Variants in IQCH observed in about 807,000 individuals in gnomAD.
IQCH encodes IQ motif containing H.
In IQCH, 98 loss-of-function variants were observed where a neutral mutation model predicts 117.0. The ratio of observed to expected loss-of-function variants is 0.84; its 90% confidence interval spans 0.71 to 0.99. The LOEUF (loss-of-function observed/expected upper bound fraction) is 0.99, where lower values mean the gene tolerates loss of function less well. IQCH is among the 50% of genes least tolerant of loss of function. The pLI is 0.00. For synonymous variants in IQCH, 412 were observed against 448.2 expected (o/e 0.92, Z 1.02); for missense variants, 1,102 against 1,243.8 (o/e 0.89, Z 1.72).
rs897344867 is a variant in IQCH, at chr15:67,388,438, A to C, written c.1457-393A>C. ...AATTGCAATTTCATCAGCTTTGTAA[A>C]GTTAGTAGCTCTGTTTTATAATTTA... On this transcript the variant is annotated intron_variant, in intron 11 of 20. Transcript: ENST00000335894. The surrounding 1 kb of genome is among the most constrained non-coding windows in gnomAD (Gnocchi z 5.5). Among the ~76,000 whole-genome samples, 1 of 127,424 alleles carries C rather than the reference A, an allele frequency of 7.8e-6. No individual in the cohort carries two copies. Among genetic ancestry groups the C allele is most frequent in the East Asian group, 2.0e-4 (1 of 5,094 alleles). The allele number at this position is 127,424 out of a possible 152,430, so 83.6% of individuals were successfully genotyped here.
chr15:67,282,477 A>G (rs768897870), intron 4 of IQCH, among the ~76,000 whole-genome samples: 24 of 152,182 alleles, frequency 1.6e-4, no homozygotes, highest in Non-Finnish European at 2.6e-4. Context: ...CTTCACTTAA[A>G]AAGTGGCATG....
chr15:67,498,788 C>T (rs1386458452), intron 20 of IQCH, among the ~76,000 whole-genome samples: 1 of 151,946 alleles, frequency 6.6e-6, no homozygotes, highest in Non-Finnish European at 1.5e-5. Flanking sequence ...TAAATCAGAC[C>T]TCATCAAAAT....
At position 67,496,146 on chromosome 15, in the gene IQCH, A is replaced by T. The variant is rs1335477115; in HGVS notation, c.2970+1780A>T. On this transcript the variant is annotated intron_variant, in intron 20 of 20. Transcript: ENST00000335894. The surrounding 1 kb of genome is among the most constrained non-coding windows in gnomAD (Gnocchi z 4.4). The stretch of plus-strand genomic sequence containing the variant: ...AGCCTGGGCAACATGGTGAAACCCC[A>T]TCTCTACAAAAATTACAAAAATTAG... Among the ~76,000 whole-genome samples the T allele has an allele frequency of 6.6e-6, 1 of 152,092 alleles. No homozygotes were observed. Among genetic ancestry groups the T allele is most frequent in the Non-Finnish European group, 1.5e-5 (1 of 68,006 alleles).
At chr15:67,270,619 G>A (rs1965858981) in intron 3 of IQCH, among the ~76,000 whole-genome samples, 1 of 152,118 alleles carries the variant, frequency 6.6e-6, no homozygotes, top group South Asian at 2.1e-4. Flanking sequence ...AAAAGAGACA[G>A]GCACCTCTTC....
In IQCH at chr15:67,393,992, A is replaced by AG. The variant is rs1402950637; in HGVS notation, c.1633-1294dup. ...ATCTAACAGGTGAAGAAATAGGCTC[A>AG]GGGGGTCTAAGTTACTTGCCTACAT... On this transcript the variant is annotated intron_variant, in intron 12 of 20. Transcript: ENST00000335894. This position sits in a 1 kb window ranked among gnomAD's most constrained non-coding sequence, Gnocchi z 5.5. Among the ~76,000 whole-genome samples, 1 of 152,156 alleles carries AG rather than the reference A, an allele frequency of 6.6e-6. No individual in the cohort carries two copies. The highest frequency in any genetic ancestry group is 6.5e-5 in the Admixed American group (1 of 15,274).
intron 17 of IQCH, among the ~76,000 whole-genome samples, chr15:67,470,653 T>A (rs1460406725): frequency 1.3e-5 from 2 of 152,248 alleles, no homozygotes; most frequent in Non-Finnish European, 2.9e-5. Context: ...AAAATATGCA[T>A]GAAATATACA....
intron 16 of IQCH, among the ~76,000 whole-genome samples, chr15:67,438,002 G>C (rs965889868): frequency 6.6e-6 from 1 of 152,102 alleles, no homozygotes; most frequent in Non-Finnish European, 1.5e-5. Flanking sequence ...AAACTTCCCC[G>C]GCCTTGTGAG....
chr15:67,368,556 CTT>C (rs749140379), intron 8 of IQCH, among the ~76,000 whole-genome samples: 1 of 152,218 alleles, frequency 6.6e-6, no homozygotes, highest in African/African-American at 2.4e-5. Flanking sequence ...AGAACTTACT[CTT>C]TTTCACACAG....
At chr15:67,293,764 G>T (rs749688764) in intron 4 of IQCH, among the ~76,000 whole-genome samples, 72 of 152,124 alleles carry the variant, frequency 4.7e-4, no homozygotes, top group Non-Finnish European at 6.6e-4. Context: ...AAATTTGATG[G>T]CTCTGAAGGA....
At position 67,279,430 on chromosome 15, in the gene IQCH, T is replaced by C; in HGVS notation, c.305T>C (p.Ile102Thr). The C allele has an allele frequency of 6.2e-7, 1 of 1,607,432 alleles. No individual in the cohort carries two copies. Among genetic ancestry groups the C allele is most frequent in the Non-Finnish European group, 8.5e-7 (1 of 1,175,318 alleles). Reference protein sequence around the residue: ...LPTVIDQKSFIFPQESEGTFW... With the variant: ...LPTVIDQKSFTFPQESEGTFW... ...ACTGTAATTGATCAGAAATCATTTA[T>C]TTTCCCTCAGGAATCTGAGGGTACA... Residue 102 changes from isoleucine to threonine, a missense_variant, in exon 4 of 21, where the codon ATT becomes ACT. By Grantham distance (89) the Ile-to-Thr change is moderately conservative. Transcript: ENST00000335894.
At chr15:67,489,216 G>A (rs576875928) in intron 18 of IQCH, among the ~76,000 whole-genome samples, 2 of 151,732 alleles carry the variant, frequency 1.3e-5, no homozygotes, top group East Asian at 3.9e-4. Context: ...TGTATTTTTA[G>A]TAGAGATGGG....
intron 4 of IQCH, among the ~76,000 whole-genome samples, chr15:67,290,450 G>A (rs942642205): frequency 6.6e-6 from 1 of 152,028 alleles, no homozygotes; most frequent in Non-Finnish European, 1.5e-5. Context: ...ATTCAATTGT[G>A]GTGATGATGT....
At position 67,465,028 on chromosome 15, in the gene IQCH, C is replaced by A; in HGVS notation, c.2506-99C>A. ...CATTAAGACACATGGTCACTGGTTT[C>A]ACTTAGTCTGATGTAGTTTGGTCTG... On this transcript the variant is annotated intron_variant, in intron 16 of 20. Transcript: ENST00000335894. This position sits in a 1 kb window ranked among gnomAD's most constrained non-coding sequence, Gnocchi z 5.9. The A allele has an allele frequency of 9.2e-7, 1 of 1,082,694 alleles. No individual in the cohort carries two copies. Among genetic ancestry groups the A allele is most frequent in the Non-Finnish European group, 1.4e-6 (1 of 732,268 alleles). 67.1% of individuals were successfully genotyped at this position (1,082,694 alleles called of 1,614,324 possible).
intron 4 of IQCH, among the ~76,000 whole-genome samples, chr15:67,282,518 A>G (rs1261932271): frequency 6.6e-6 from 1 of 152,138 alleles, no homozygotes; most frequent in African/African-American, 2.4e-5. Context: ...TTGCCTCCAG[A>G]GCCTGGATTA....
At chr15:67,335,358 T>C (rs1968845413) in intron 4 of IQCH, among the ~76,000 whole-genome samples, 1 of 152,224 alleles carries the variant, frequency 6.6e-6, no homozygotes, top group South Asian at 2.1e-4. Context: ...ATCCTCTTTG[T>C]CCTGAAACTG....
At position 67,421,384 on chromosome 15, in the gene IQCH, C is replaced by T. The variant is rs1049014103; in HGVS notation, c.2312C>T (p.Ser771Leu). Residue 771 changes from serine to leucine, a missense_variant, in exon 16 of 21, where the codon TCG (serine) becomes TTG (leucine). By Grantham distance (145) the Ser-to-Leu change is moderately radical. Transcript: ENST00000335894. ...CCCAACGGGAAAATCAGCGTGCTGT[C>T]GACAGGGGACCAGCTTCATGCTGAA... ...IEPNGKISVLSTGDQLHAESP... is the reference protein window; with the variant it reads ...IEPNGKISVLLTGDQLHAESP... 9 of 1,614,050 alleles carry T rather than the reference C, an allele frequency of 5.6e-6. No homozygotes were observed. The highest frequency in any genetic ancestry group is 1.7e-5 in the Admixed American group (1 of 60,000).
rs1224700066 is a variant in IQCH at position 67,403,900 on chromosome 15, G to A, written c.2097+3595G>A. The A allele has an allele frequency of 1.3e-5, 2 of 152,200 alleles. No individual in the cohort carries two copies. The highest frequency in any genetic ancestry group is 4.8e-5 in the African/African-American group (2 of 41,442). The allele number at this position is 152,200 out of a possible 1,614,324, so 9.4% of individuals were successfully genotyped here. ...GAGATCTTTGTAGAACAATTTCTGT[G>A]TGTAAAGAACTAAGCCAGTTTACTT... On this transcript the variant is annotated intron_variant, in intron 14 of 20. Transcript: ENST00000335894. This position sits in a 1 kb window ranked among gnomAD's most constrained non-coding sequence, Gnocchi z 4.8.
intron 4 of IQCH, among the ~76,000 whole-genome samples, chr15:67,329,284 G>A (rs542338424): frequency 1.6e-5 from 2 of 126,564 alleles, no homozygotes; most frequent in South Asian, 5.4e-4. Context: ...GGGCAACAGA[G>A]CAAGACCTTG....
At position 67,411,571 on chromosome 15, in the gene IQCH, A is replaced by G. The variant is rs2081450959; in HGVS notation, c.2098-5360A>G. Reference sequence around the variant, plus strand: ...ATGGGAGATTTGAGGTGATTAACCAAAAAGTTATTAATTCACCACTGCAGA... The same window carrying G: ...ATGGGAGATTTGAGGTGATTAACCAGAAAGTTATTAATTCACCACTGCAGA... On this transcript the variant is annotated intron_variant, in intron 14 of 20. Coordinates refer to ENST00000335894, the MANE Select transcript of IQCH (RefSeq NM_001031715.3). This position sits in a 1 kb window ranked among gnomAD's most constrained non-coding sequence, Gnocchi z 4.4. 6.6e-6 allele frequency among the ~76,000 whole-genome samples: 1 copy of G among 152,152 alleles called. No individual in the cohort carries two copies. Among genetic ancestry groups the G allele is most frequent in the South Asian group, 2.1e-4 (1 of 4,826 alleles).
Sources: allele counts gnomAD v4.1 joint callset (sites outside exome capture counted in the v4.1 genomes callset), GRCh38; gene constraint gnomAD v4.1.1; non-coding constraint Gnocchi (gnomAD v3.1); transcripts MANE v1.5; gene names NCBI Gene and HGNC (gene_info 2026-07-23, HGNC 2026-07-21).